Variants in TMEM72 observed in about 807,000 individuals in gnomAD.
TMEM72 encodes the protein kidney-specific secretory protein of 37 kDa.
In TMEM72, 9 loss-of-function variants were observed where a neutral mutation model predicts 16.3. The observed-to-expected ratio is 0.55, with a 90% CI of 0.33 to 0.96. The LOEUF (loss-of-function observed/expected upper bound fraction) is 0.96. Among genes scored for constraint, TMEM72 ranks in the 40% least tolerant of loss-of-function variants. The probability of loss-of-function intolerance (pLI) is 0.03; values close to 1 mark genes in which losing one functional copy is unlikely to be tolerated. For missense variants in TMEM72, 324 were observed against 337.8 expected, an observed-to-expected ratio of 0.96 and a Z score of 0.32; for synonymous variants, 160 against 146.5, an observed-to-expected ratio of 1.09 and a Z score of -0.66.
intron 1 of TMEM72, among the ~76,000 whole-genome samples, chr10:44,922,071 T>A (rs1374651395): frequency 6.6e-6 from 1 of 152,224 alleles, no homozygotes; most frequent in Non-Finnish European, 1.5e-5. Flanking sequence ...TGAGCCCTGG[T>A]GTCCTTCTGG....
intron 1 of TMEM72, among the ~76,000 whole-genome samples, chr10:44,913,188 A>G (rs1055751347): frequency 6.6e-6 from 1 of 152,132 alleles, no homozygotes; most frequent in Non-Finnish European, 1.5e-5. Flanking sequence ...GGGGAGAGGA[A>G]GGCCACCCTA....
intron 1 of TMEM72, among the ~76,000 whole-genome samples, chr10:44,916,024 G>C (rs1414411100): frequency 6.6e-6 from 1 of 152,140 alleles, no homozygotes; most frequent in Non-Finnish European, 1.5e-5. Flanking sequence ...GCTGGGCTCA[G>C]TCCTATTTTA....
rs1013685530 is a variant in TMEM72 at position 44,936,759 on chromosome 10, T to C, written c.*1625T>C. 2 of 152,296 alleles carry C rather than the reference T, an allele frequency of 1.3e-5. No homozygotes were observed. Among genetic ancestry groups the C allele is most frequent in the African/African-American group, 4.8e-5 (2 of 41,470 alleles). 9.4% of individuals were successfully genotyped at this position (152,296 alleles called of 1,614,324 possible). On this transcript the variant is annotated 3_prime_UTR_variant, in exon 5 of 5. Transcript: ENST00000389583. ...GGCCGGGTGTCTCAGGCAGGCCCCC[T>C]GTGCACAGAAAGAGCCTAAGTGCAG... is the stretch of plus-strand genomic sequence containing the variant.
At chr10:44,915,371 G>C (rs1249025417) in intron 1 of TMEM72, among the ~76,000 whole-genome samples, 1 of 151,472 alleles carries the variant, frequency 6.6e-6, no homozygotes, top group Non-Finnish European at 1.5e-5. Flanking sequence ...CTGTCATTGG[G>C]AGCATCATCA....
At chr10:44,925,134 T>C (rs1840164899) in intron 1 of TMEM72, among the ~76,000 whole-genome samples, 1 of 152,252 alleles carries the variant, frequency 6.6e-6, no homozygotes, top group South Asian at 2.1e-4. Context: ...ACTTGCCACT[T>C]GTATGTAATA....
intron 1 of TMEM72, among the ~76,000 whole-genome samples, chr10:44,925,767 GA>G (rs1389176262): frequency 2.0e-5 from 3 of 152,184 alleles, no homozygotes; most frequent in Admixed American, 6.5e-5. Context: ...GTAAAGTGGG[GA>G]TAACAAGAGT....
chr10:44,930,800 G>A (rs1395581795), intron 2 of TMEM72, among the ~76,000 whole-genome samples: 1 of 152,124 alleles, frequency 6.6e-6, no homozygotes, highest in Non-Finnish European at 1.5e-5. Flanking sequence ...TTAATTCTTA[G>A]AACAGTTTTA....
intron 3 of TMEM72, among the ~76,000 whole-genome samples, chr10:44,933,185 C>T (rs905172230): frequency 1.3e-5 from 2 of 152,206 alleles, no homozygotes; most frequent in African/African-American, 2.4e-5. Context: ...TGTGCCTAAG[C>T]AAGGCTGGGT....
chr10:44,921,372 C>G (rs867850903), intron 1 of TMEM72, among the ~76,000 whole-genome samples: 1 of 151,294 alleles, frequency 6.6e-6, no homozygotes, highest in Non-Finnish European at 1.5e-5. Context: ...CACTAATGGC[C>G]GTGTCAAGCA....
At chr10:44,926,241 G>A (rs138504869) in intron 1 of TMEM72, among the ~76,000 whole-genome samples, 83 of 152,080 alleles carry the variant, frequency 5.5e-4, no homozygotes, top group African/African-American at 1.6e-3. Flanking sequence ...ACACACACAC[G>A]TGTCCACACA....
intron 1 of TMEM72, among the ~76,000 whole-genome samples, chr10:44,926,521 T>C (rs1489690780): frequency 6.6e-6 from 1 of 152,192 alleles, no homozygotes; most frequent in Admixed American, 6.5e-5. Context: ...AGGCTGACAC[T>C]GCAGGGGGAT....
chr10:44,926,146 T>C (rs1046280437), intron 1 of TMEM72, among the ~76,000 whole-genome samples: 1 of 151,046 alleles, frequency 6.6e-6, no homozygotes, highest in Non-Finnish European at 1.5e-5. Context: ...CACTCACATA[T>C]ATACTCACAT....
Position 44,911,533 on chromosome 10 carries a change from G to T in TMEM72, c.21G>T (p.Trp7Cys). 1.0e-5 allele frequency: 16 copies of T among 1,551,232 alleles called. No individual in the cohort carries two copies. Among genetic ancestry groups the T allele is most frequent in the Non-Finnish European group, 1.4e-5 (16 of 1,147,242 alleles). MQLQVF[W>C]TGLEYTCRLL... ...GCACCATGCAGCTCCAGGTGTTCTG[G>T]ACTGGGCTGGAATACACCTGCCGGC... Residue 7 changes from tryptophan to cysteine, a missense_variant, in exon 1 of 5, where the codon TGG becomes TGT. Coordinates refer to ENST00000389583, the MANE Select transcript of TMEM72 (RefSeq NM_001123376.3).
chr10:44,923,368 A>G (rs963608729), intron 1 of TMEM72: 8 of 123,910 alleles, frequency 6.5e-5, no homozygotes, highest in African/African-American at 2.5e-4. Flanking sequence ...TCTCTCTCTC[A>G]CTCTCATTTC....
chr10:44,911,475 GC>G lies in TMEM72; in HGVS notation c.-36del, dbSNP rs1564430881. ...GCATCTCAGGGCCGAAGACTTTGCT[GC>G]CTGCCCTGCCAGGACTTTGTCCTCA... On this transcript the variant is annotated 5_prime_UTR_variant, in exon 1 of 5. Coordinates refer to ENST00000389583, the MANE Select transcript of TMEM72 (RefSeq NM_001123376.3). The G allele has an allele frequency of 1.3e-6, 2 of 1,545,906 alleles. No individual in the cohort carries two copies.
At chr10:44,921,206 C>T (rs918366000) in intron 1 of TMEM72, among the ~76,000 whole-genome samples, 4 of 152,172 alleles carry the variant, frequency 2.6e-5, no homozygotes, top group Admixed American at 1.3e-4. Flanking sequence ...CATCAAGGTG[C>T]GATGCAAGGC....
intron 2 of TMEM72, 81 bp from the exon 3 acceptor site, chr10:44,931,917 A>C: frequency 2.8e-6 from 4 of 1,403,914 alleles, no homozygotes; most frequent in Non-Finnish European, 3.9e-6. Flanking sequence ...TGATGTCAGG[A>C]GGCCACGTGT....
chr10:44,927,250 G>A (rs1316450230), intron 1 of TMEM72, among the ~76,000 whole-genome samples: 3 of 152,338 alleles, frequency 2.0e-5, no homozygotes, highest in Admixed American at 2.0e-4. Context: ...ATGGGAGCCA[G>A]CAAATCCTTG....
At chr10:44,932,192 C>G in intron 3 of TMEM72, 123 bp downstream of exon 3, 1 of 1,190,010 alleles carries the variant, frequency 8.4e-7, no homozygotes, top group Non-Finnish European at 1.2e-6. Flanking sequence ...GACAGGAGCC[C>G]CCCACCGAGG....
Sources: gnomAD v4.1 joint callset for allele counts (sites outside exome capture counted in the v4.1 genomes callset) on GRCh38, gnomAD v4.1.1 for gene constraint, MANE v1.5 for transcripts, NCBI Gene and HGNC (gene_info 2026-07-23, HGNC 2026-07-21) for gene names.